The following NAALADL2 variants were observed in gnomAD, a reference collection of about 807,000 sequenced individuals.
The protein encoded by NAALADL2 is N-acetylated alpha-linked acidic dipeptidase like 2.
Under a neutral mutation model 87.2 loss-of-function variants are expected in NAALADL2, and 76 were observed. That is an observed-to-expected ratio of 0.87 (90% confidence interval 0.72 to 1.05). The LOEUF is 1.05. Among genes scored for constraint, NAALADL2 ranks in the 50% least tolerant of loss-of-function variants. The pLI, the probability that NAALADL2 is intolerant of heterozygous loss-of-function variation, is 0.00. For synonymous variants in NAALADL2, 354 were observed against 331.0 expected (o/e 1.07, Z -0.75); for missense variants, 1,089 against 945.8 (o/e 1.15, Z -1.99).
chr3:175,003,891 C>A (rs73048972), intron 1 of NAALADL2, among the ~76,000 whole-genome samples: 2,987 of 152,246 alleles, frequency 0.02, 95 homozygotes, highest in African/African-American at 0.068. Context: ...CATCTGTCAG[C>A]TTATAAAGTT....
chr3:175,734,845 G>C (rs1198669817), intron 11 of NAALADL2, among the ~76,000 whole-genome samples: 1 of 152,170 alleles, frequency 6.6e-6, no homozygotes, highest in Non-Finnish European at 1.5e-5. Context: ...CTGCCGCAAA[G>C]GTCTCTGACA....
chr3:174,480,530 A>G lies in NAALADL2; in HGVS notation c.-184+39498A>G, dbSNP rs531955419. On this transcript the variant is annotated intron_variant, in intron 1 of 3. Coordinates refer to the NAALADL2 transcript ENST00000434257. Reference sequence around the variant, plus strand: ...CTATATATGATTTTACTCTAGGAATATGTACATCTCCAAAATATACTTAGA... The same window carrying G: ...CTATATATGATTTTACTCTAGGAATGTGTACATCTCCAAAATATACTTAGA... Among the ~76,000 whole-genome samples the G allele has an allele frequency of 2.0e-5, 3 of 152,136 alleles. No homozygotes were observed. The South Asian group carries it at 6.2e-4, about 32-fold the overall frequency.
chr3:174,484,908 G>A (rs909314722), intron 1 of NAALADL2, among the ~76,000 whole-genome samples: 1 of 151,854 alleles, frequency 6.6e-6, no homozygotes, highest in South Asian at 2.1e-4. Flanking sequence ...CCTATAGGCA[G>A]TATTTGCTTA....
intron 11 of NAALADL2, among the ~76,000 whole-genome samples, chr3:175,656,422 T>TTTATTTATG (rs1484924451): frequency 2.0e-5 from 3 of 152,188 alleles, no homozygotes; most frequent in Non-Finnish European, 4.4e-5. Context: ...CTTTGAACCT[T>TTTATTTATG]CTGAGGATGA....
At chr3:175,045,884 T>C (rs1754605063) in intron 1 of NAALADL2, among the ~76,000 whole-genome samples, 2 of 152,110 alleles carry the variant, frequency 1.3e-5, no homozygotes, top group African/African-American at 2.4e-5. Context: ...TCCAAGACTT[T>C]TTACTATTCG....
At chr3:174,923,729 T>A (rs1735571109) in intron 1 of NAALADL2, among the ~76,000 whole-genome samples, 1 of 152,226 alleles carries the variant, frequency 6.6e-6, no homozygotes, top group Non-Finnish European at 1.5e-5. Flanking sequence ...GTTTCTATTT[T>A]TCCTTTATTG....
intron 2 of NAALADL2, among the ~76,000 whole-genome samples, chr3:174,637,346 T>C (rs1408636261): frequency 6.6e-6 from 1 of 152,100 alleles, no homozygotes; most frequent in East Asian, 1.9e-4. Context: ...TCTCATCACA[T>C]ATAAATGATG....
At position 175,445,487 on chromosome 3, in the gene NAALADL2, C is replaced by T. The variant is rs528777648; in HGVS notation, c.1091-1742C>T. 3.3e-5 allele frequency among the ~76,000 whole-genome samples: 5 copies of T among 151,580 alleles called. No homozygotes were observed. The South Asian group carries it at 1.0e-3, about 32-fold the overall frequency. On this transcript the variant is annotated intron_variant, in intron 5 of 13. Transcript: ENST00000454872. ...GTAGCTACTTACCTTTTATATTTAC[C>T]TTCCTTCTGCTCGGTTATGTGTTGG... is the stretch of plus-strand genomic sequence containing the variant.
intron 1 of NAALADL2, among the ~76,000 whole-genome samples, chr3:174,482,550 G>C (rs972588166): frequency 6.6e-6 from 1 of 151,950 alleles, no homozygotes; most frequent in Non-Finnish European, 1.5e-5. Flanking sequence ...GTTCCTTATT[G>C]AGCCAGCAGT....
At chr3:174,594,424 A>G (rs1030403034) in intron 2 of NAALADL2, among the ~76,000 whole-genome samples, 1 of 152,182 alleles carries the variant, frequency 6.6e-6, no homozygotes, top group African/African-American at 2.4e-5. Flanking sequence ...TGATACCTCT[A>G]ATCAAAGAAT....
chr3:174,822,430 C>G (rs971561345), intron 3 of NAALADL2, among the ~76,000 whole-genome samples: 1 of 152,104 alleles, frequency 6.6e-6, no homozygotes, highest in African/African-American at 2.4e-5. Flanking sequence ...GAAAACAACA[C>G]TTTTGGGCCA....
chr3:175,021,451 A>G (rs1333313915), intron 1 of NAALADL2, among the ~76,000 whole-genome samples: 1 of 152,076 alleles, frequency 6.6e-6, no homozygotes, highest in African/African-American at 2.4e-5. Context: ...AGGTCTTCAA[A>G]TAGCTTACAA....
chr3:174,605,277 C>T (rs1034578170), intron 2 of NAALADL2, among the ~76,000 whole-genome samples: 48 of 152,148 alleles, frequency 3.2e-4, no homozygotes, highest in African/African-American at 1.0e-3. Context: ...TCTGAGGTAC[C>T]GGGTTCATCT....
chr3:175,199,831 TA>T (rs1739558609), intron 2 of NAALADL2, among the ~76,000 whole-genome samples: 2 of 9,926 alleles, frequency 2.0e-4, no homozygotes, highest in African/African-American at 4.3e-4. Context: ...TATATATATA[TA>T]TATATATATA....
At chr3:175,437,424 C>CA (rs1244930306) in intron 5 of NAALADL2, among the ~76,000 whole-genome samples, 3 of 143,174 alleles carry the variant, frequency 2.1e-5, no homozygotes, top group Non-Finnish European at 3.0e-5. Context: ...AGGAGAACTA[C>CA]AAACCACTGC....
At chr3:175,319,483 A>G (rs997159713) in intron 4 of NAALADL2, among the ~76,000 whole-genome samples, 1 of 152,110 alleles carries the variant, frequency 6.6e-6, no homozygotes, top group Non-Finnish European at 1.5e-5. Flanking sequence ...ATTTTTCCTA[A>G]TAGGAGGGCT....
chr3:174,538,542 G>A (rs537768866), intron 1 of NAALADL2, among the ~76,000 whole-genome samples: 5 of 152,196 alleles, frequency 3.3e-5, no homozygotes, highest in African/African-American at 9.6e-5. Context: ...TGTCCCTAAT[G>A]GGACAGAAGG....
chr3:175,596,312 G>A (rs577158485), intron 10 of NAALADL2, among the ~76,000 whole-genome samples: 1 of 151,882 alleles, frequency 6.6e-6, no homozygotes, highest in East Asian at 1.9e-4. Context: ...TCCAGATGGT[G>A]GTTTGCTTAT....
At chr3:174,892,215 A>G (rs1160365579) in intron 1 of NAALADL2, among the ~76,000 whole-genome samples, 1 of 152,136 alleles carries the variant, frequency 6.6e-6, no homozygotes, top group Non-Finnish European at 1.5e-5. Context: ...GACCTCACCA[A>G]ATCTACTAAA....
Sources: allele counts gnomAD v4.1 joint callset (sites outside exome capture counted in the v4.1 genomes callset), GRCh38; gene constraint gnomAD v4.1.1; transcripts MANE v1.5; gene names NCBI Gene and HGNC (gene_info 2026-07-23, HGNC 2026-07-21).